The following LRRC69 variants were observed in gnomAD, a reference collection of about 807,000 sequenced individuals.
LRRC69 encodes the protein leucine-rich repeat-containing protein 69.
A neutral mutation model predicts 37.8 loss-of-function variants in LRRC69; 42 were observed. That is an observed-to-expected ratio of 1.11 (90% CI 0.87 to 1.44). The LOEUF is 1.44. LRRC69 is among the 40% of genes most tolerant of loss of function. The probability of loss-of-function intolerance (pLI) is 0.00; values close to 1 mark genes in which losing one functional copy is unlikely to be tolerated. For missense variants in LRRC69, 357 were observed against 401.9 expected, an observed-to-expected ratio of 0.89 and a Z score of 0.96; for synonymous variants, 141 against 143.1, an observed-to-expected ratio of 0.99 and a Z score of 0.11.
chr8:91,127,085 C>A lies in LRRC69; in HGVS notation c.311-3C>A, dbSNP rs1813730127. 1.3e-6 allele frequency: 2 copies of A among 1,544,610 alleles called. No individual in the cohort carries two copies. The highest frequency in any genetic ancestry group is 1.7e-6 in the Non-Finnish European group (2 of 1,143,272). ...TAAAGTGACTAAAATTATTTTCTAA[C>A]AGATGGCTTACAAAATTTAATCCTG... On this transcript the variant is annotated splice_polypyrimidine_tract_variant and splice_region_variant and intron_variant, in intron 2 of 7. Transcript: ENST00000448384.
intron 5 of LRRC69, among the ~76,000 whole-genome samples, chr8:91,175,821 T>C (rs1433320243): frequency 6.6e-6 from 1 of 152,060 alleles, no homozygotes; most frequent in Non-Finnish European, 1.5e-5. Flanking sequence ...CGGAGTTTTT[T>C]TTTTTTGAGC....
chr8:91,215,723 T>A (rs931091000), intron 7 of LRRC69, among the ~76,000 whole-genome samples: 2 of 152,196 alleles, frequency 1.3e-5, no homozygotes, highest in Non-Finnish European at 2.9e-5. Context: ...GATATTTCAT[T>A]GAGTGCTTTG....
At chr8:91,198,830 T>C (rs1473731255) in intron 6 of LRRC69, among the ~76,000 whole-genome samples, 1 of 152,184 alleles carries the variant, frequency 6.6e-6, no homozygotes. Context: ...TAAAAGATAC[T>C]ATTGGTCATG....
chr8:91,162,677 A>G (rs1335855184), intron 5 of LRRC69, among the ~76,000 whole-genome samples: 1 of 151,284 alleles, frequency 6.6e-6, no homozygotes, highest in Non-Finnish European at 1.5e-5. Flanking sequence ...TAGGCAGAAT[A>G]TAGTTGGGTC....
intron 1 of LRRC69, among the ~76,000 whole-genome samples, chr8:91,123,054 C>A (rs772449376): frequency 2.6e-5 from 4 of 152,028 alleles, no homozygotes; most frequent in Non-Finnish European, 5.9e-5. Flanking sequence ...CCATTGCTGG[C>A]TTTAAAGGGG....
chr8:91,146,604 C>T (rs933835918), intron 5 of LRRC69, among the ~76,000 whole-genome samples: 8 of 151,542 alleles, frequency 5.3e-5, no homozygotes, highest in African/African-American at 1.9e-4. Context: ...CTGATGTATT[C>T]CAAGCTTATA....
intron 5 of LRRC69, among the ~76,000 whole-genome samples, chr8:91,164,161 T>C: frequency 6.6e-6 from 1 of 151,652 alleles, no homozygotes; most frequent in Non-Finnish European, 1.5e-5. Context: ...TCTTGTTTTT[T>C]CTCCAAGTGC....
chr8:91,162,251 A>T (rs867680027), intron 5 of LRRC69, among the ~76,000 whole-genome samples: 1 of 151,414 alleles, frequency 6.6e-6, no homozygotes, highest in South Asian at 2.1e-4. Flanking sequence ...ATGTTTTATA[A>T]ATGTCTGTTA....
At chr8:91,133,266 G>A (rs1428703168) in exon 4 of LRRC69, 4 of 1,518,408 alleles carry the variant, frequency 2.6e-6, no homozygotes, top group Middle Eastern at 1.7e-4. Context: ...AGCTTCAGAA[G>A]CTTTTGCTAG....
At chr8:91,117,582 T>G (rs1395808253) in intron 1 of LRRC69, among the ~76,000 whole-genome samples, 1 of 106,456 alleles carries the variant, frequency 9.4e-6, no homozygotes, top group African/African-American at 2.8e-5. Context: ...TTTTTTTTTT[T>G]TACAGGGATA....
Position 91,196,260 on chromosome 8 carries a change from C to T in LRRC69, c.754-4353C>T, listed in dbSNP as rs984414951. Among the ~76,000 whole-genome samples the T allele has an allele frequency of 2.0e-3, 311 of 151,994 alleles. 2 individuals are homozygous for T. The highest frequency in any genetic ancestry group is 3.8e-3 in the Non-Finnish European group (257 of 68,018). On this transcript the variant is annotated intron_variant, in intron 6 of 7. Transcript: ENST00000448384. ...CCTTTGAGGGTAACCCGACCTTTCT[C>T]TCTGGCTGCCCTTAACATTTTTTCC...
intron 5 of LRRC69, chr8:91,157,818 G>T: frequency 6.2e-7 from 1 of 1,607,152 alleles, no homozygotes; most frequent in Non-Finnish European, 8.5e-7. Context: ...TCCCCACAAA[G>T]GGAGTGGGAA....
chr8:91,157,532 T>C, intron 5 of LRRC69: 1 of 1,531,778 alleles, frequency 6.5e-7, no homozygotes, highest in Admixed American at 1.7e-5. Flanking sequence ...TTTCCTATAG[T>C]ATTTAATGAG....
chr8:91,172,509 A>T (rs75756845), intron 5 of LRRC69, among the ~76,000 whole-genome samples: 2,080 of 151,682 alleles, frequency 0.014, 47 homozygotes, highest in East Asian at 0.1. Flanking sequence ...TCTGGTATAA[A>T]CTCTTTATTT....
intron 1 of LRRC69, among the ~76,000 whole-genome samples, chr8:91,112,736 A>G (rs1338970818): frequency 6.6e-6 from 1 of 152,000 alleles, no homozygotes; most frequent in East Asian, 1.9e-4. Flanking sequence ...CTAGTCAACA[A>G]TTAAATAAGG....
At chr8:91,200,859 C>T in intron 7 of LRRC69, 67 bp downstream of exon 7, 2 of 1,348,760 alleles carry the variant, frequency 1.5e-6, no homozygotes. Context: ...TTATCTAAAT[C>T]AGTTAATACT....
At chr8:91,162,530 T>G (rs1808963307) in intron 5 of LRRC69, among the ~76,000 whole-genome samples, 2 of 151,436 alleles carry the variant, frequency 1.3e-5, no homozygotes, top group African/African-American at 4.8e-5. Context: ...TTTTTATATT[T>G]TTTGACTTGA....
At chr8:91,185,957 C>G (rs1187587168) in intron 5 of LRRC69, among the ~76,000 whole-genome samples, 1 of 152,190 alleles carries the variant, frequency 6.6e-6, no homozygotes, top group African/African-American at 2.4e-5. Flanking sequence ...TCCTGCTAAT[C>G]TAGCCCCCTT....
At chr8:91,145,321 G>T (rs1808598875) in intron 5 of LRRC69, among the ~76,000 whole-genome samples, 1 of 151,836 alleles carries the variant, frequency 6.6e-6, no homozygotes, top group Non-Finnish European at 1.5e-5. Flanking sequence ...TGATTTCCTT[G>T]GAACTATCCA....
Sources: gnomAD v4.1 joint callset for allele counts (sites outside exome capture counted in the v4.1 genomes callset) on GRCh38, gnomAD v4.1.1 for gene constraint, MANE v1.5 for transcripts, NCBI Gene and HGNC (gene_info 2026-07-23, HGNC 2026-07-21) for gene names.